Variants in SBF2 observed in about 807,000 individuals in gnomAD.
SBF2 encodes the protein myotubularin-related protein 13.
Under a neutral mutation model 225.2 loss-of-function variants are expected in SBF2, and 112 were observed. The observed-to-expected ratio is 0.50, with a 90% CI of 0.43 to 0.58. The LOEUF is 0.58. Ranked by LOEUF, SBF2 falls within the 20% of genes least tolerant of loss-of-function variation. SBF2 has a pLI of 0.00. For missense variants in SBF2, 1,996 were observed against 2,206.2 expected (o/e 0.90, Z 1.91); for synonymous variants, 763 against 773.3 (o/e 0.99, Z 0.22).
intron 2 of SBF2, among the ~76,000 whole-genome samples, chr11:10,055,090 C>T (rs1407739163): frequency 6.6e-6 from 1 of 151,914 alleles, no homozygotes; most frequent in African/African-American, 2.4e-5. Flanking sequence ...TTAGTAAAGA[C>T]GGGGTTTTAC....
rs535618502 is a variant in SBF2, at chr11:10,173,639, C to T, written c.141+20263G>A. Among the ~76,000 whole-genome samples, 583 of 152,276 alleles carry T rather than the reference C, an allele frequency of 3.8e-3. 4 individuals are homozygous for T. Among genetic ancestry groups the T allele is most frequent in the South Asian group, 5.4e-3 (26 of 4,828 alleles). ...AGGTAAACAAAGCAGCAGGGAAGCT[C>T]GAACTGGGTGGAGCCCACCACAACT... On this transcript the variant is annotated intron_variant, in intron 2 of 39. Coordinates refer to ENST00000256190, the MANE Select transcript of SBF2 (RefSeq NM_030962.4).
chr11:10,252,963 G>C (rs1342899929), intron 1 of SBF2, among the ~76,000 whole-genome samples: 1 of 151,926 alleles, frequency 6.6e-6, no homozygotes, highest in Non-Finnish European at 1.5e-5. Flanking sequence ...GGCTGCACTG[G>C]AGTCTCTGTG....
chr11:9,781,468 G>A, intron 39 of SBF2, 39 bp downstream of exon 39: 2 of 1,613,390 alleles, frequency 1.2e-6, no homozygotes, highest in Non-Finnish European at 8.5e-7. Flanking sequence ...AGAATGATGT[G>A]CAGACAGAGC....
chr11:9,959,080 A>G, intron 16 of SBF2: 2 of 1,508,148 alleles, frequency 1.3e-6, no homozygotes, highest in South Asian at 2.4e-5. Flanking sequence ...GTTCCCAGGA[A>G]TGGGCTTAGG....
rs189373716 is a variant in SBF2, at chr11:10,194,573, T to C, written c.56-586A>G. ...TTGTCTAGGCTGGAGTGCAGTTGTA[T>C]GATCTTGGTTCACTGAAACCTCCGC... is the stretch of plus-strand genomic sequence containing the variant. On this transcript the variant is annotated intron_variant, in intron 1 of 39. Transcript: ENST00000256190. Among the ~76,000 whole-genome samples, 231 of 152,268 alleles carry C rather than the reference T, an allele frequency of 1.5e-3. 2 individuals are homozygous for C. Among genetic ancestry groups the C allele is most frequent in the Non-Finnish European group, 5.4e-4 (37 of 68,002 alleles).
intron 17 of SBF2, among the ~76,000 whole-genome samples, chr11:9,862,930 G>A (rs1243798098): frequency 3.3e-5 from 5 of 152,028 alleles, no homozygotes; most frequent in African/African-American, 1.2e-4. Context: ...GGTTGGGAAT[G>A]CTTTTGTCAA....
intron 16 of SBF2, among the ~76,000 whole-genome samples, chr11:9,947,748 G>A (rs749647819): frequency 6.6e-5 from 10 of 151,942 alleles, no homozygotes; most frequent in Non-Finnish European, 1.2e-4. Flanking sequence ...TGTGATATCC[G>A]GTTCACATAC....
chr11:9,959,790 G>T, intron 16 of SBF2: 1 of 625,122 alleles, frequency 1.6e-6, no homozygotes. Flanking sequence ...TGGTCATGGT[G>T]GAAGGTGTTC....
intron 1 of SBF2, among the ~76,000 whole-genome samples, chr11:10,213,966 T>C (rs148687407): frequency 2.0e-5 from 3 of 152,356 alleles, no homozygotes; most frequent in Non-Finnish European, 2.9e-5. Context: ...ATTTAGACTA[T>C]GACAGTCCTA....
At chr11:9,947,118 C>T (rs1052772004) in intron 16 of SBF2, among the ~76,000 whole-genome samples, 1 of 152,170 alleles carries the variant, frequency 6.6e-6, no homozygotes, top group Admixed American at 6.5e-5. Flanking sequence ...AATGGCAAAA[C>T]AATTAATTAA....
chr11:10,226,037 C>T (rs893003442), intron 1 of SBF2, among the ~76,000 whole-genome samples: 10 of 151,974 alleles, frequency 6.6e-5, no homozygotes, highest in African/African-American at 2.4e-4. Flanking sequence ...TACTATAAAA[C>T]TGAAAACACT....
chr11:10,162,624 A>C (rs1194337688), intron 2 of SBF2, among the ~76,000 whole-genome samples: 12 of 152,206 alleles, frequency 7.9e-5, no homozygotes, highest in Admixed American at 7.9e-4. Context: ...AAGTTTTGGC[A>C]GTCAAATTAT....
In SBF2 at chr11:10,055,943, A is replaced by T. The variant is rs568891400; in HGVS notation, c.142-12962T>A. Among the ~76,000 whole-genome samples the T allele has an allele frequency of 3.0e-4, 45 of 152,346 alleles. 1 individual carries two copies. The Middle Eastern group carries it at 0.014, about 46-fold the overall frequency. The stretch of plus-strand genomic sequence containing the variant: ...TAAAGTTATTGAAATAAAAAAATTT[A>T]AAATGAAGTAAATATAAAAATTTCA... On this transcript the variant is annotated intron_variant, in intron 2 of 39. Coordinates refer to ENST00000256190, the MANE Select transcript of SBF2 (RefSeq NM_030962.4).
intron 6 of SBF2, among the ~76,000 whole-genome samples, chr11:10,004,951 C>G (rs1199568581): frequency 1.3e-5 from 2 of 152,176 alleles, no homozygotes; most frequent in Non-Finnish European, 2.9e-5. Context: ...TGATGTCTCA[C>G]TGTTACAGCA....
intron 16 of SBF2, among the ~76,000 whole-genome samples, chr11:9,949,789 A>G (rs1865755628): frequency 6.6e-6 from 1 of 152,168 alleles, no homozygotes; most frequent in Admixed American, 6.5e-5. Context: ...TATTAAAAAC[A>G]TAATGCTGAC....
rs367991153 is a variant in SBF2, at chr11:10,072,018, T to C, written c.142-29037A>G. Among the ~76,000 whole-genome samples the C allele has an allele frequency of 9.9e-5, 15 of 152,222 alleles. 1 individual carries two copies. The South Asian group carries it at 1.9e-3, about 19-fold the overall frequency. On this transcript the variant is annotated intron_variant, in intron 2 of 39. Transcript: ENST00000256190. ...CCTTCACCTCCAGCCATATTAATCA[T>C]TATTAATTGCTTTATGTGTTTCCTT...
intron 16 of SBF2, among the ~76,000 whole-genome samples, chr11:9,941,891 C>T (rs1428586050): frequency 3.3e-5 from 5 of 151,874 alleles, no homozygotes; most frequent in African/African-American, 9.7e-5. Context: ...GAATATGTGG[C>T]AAATTACTAA....
chr11:10,014,322 T>A (rs1247413479), intron 6 of SBF2, among the ~76,000 whole-genome samples: 2 of 151,906 alleles, frequency 1.3e-5, no homozygotes, highest in Non-Finnish European at 2.9e-5. Flanking sequence ...AAATCCTGAG[T>A]CTATGCCATT....
intron 2 of SBF2, among the ~76,000 whole-genome samples, chr11:10,175,199 T>G (rs1378769195): frequency 6.6e-6 from 1 of 151,406 alleles, no homozygotes; most frequent in Non-Finnish European, 1.5e-5. Flanking sequence ...ATGCTCCAAT[T>G]AAAAGACACA....
Sources: allele counts gnomAD v4.1 joint callset (sites outside exome capture counted in the v4.1 genomes callset), GRCh38; gene constraint gnomAD v4.1.1; transcripts MANE v1.5; gene names NCBI Gene and HGNC (gene_info 2026-07-23, HGNC 2026-07-21).